RDH14: variants seen among roughly 807,000 people sequenced by gnomAD.
RDH14 encodes the protein retinol dehydrogenase 14.
In RDH14, 17 loss-of-function variants were observed where a neutral mutation model predicts 19.3. The ratio of observed to expected loss-of-function variants is 0.88; its 90% CI spans 0.60 to 1.32. The LOEUF is 1.32. Among genes scored for constraint, RDH14 ranks in the 40% most tolerant of loss-of-function variants. RDH14 has a pLI of 0.00. For missense variants in RDH14, 534 were observed against 449.2 expected (o/e 1.19, Z -1.71); for synonymous variants, 215 against 188.9 (o/e 1.14, Z -1.13).
rs1168030770 is a variant in RDH14, at chr2:18,560,292, G to A, written c.281C>T (p.Ala94Val). The change falls in exon 1 of 2, where the codon GCC becomes GTC. Residue 94 changes from alanine to valine, a missense_variant. Coordinates refer to ENST00000381249, the MANE Select transcript of RDH14 (RefSeq NM_020905.4). ...AGQLRRELRQAAECGPEPGVS... is the reference protein window; with the variant it reads ...AGQLRRELRQVAECGPEPGVS... ...GCCAGGCTCTGGGCCGCACTCCGCG[G>A]CCTGGCGGAGCTCGCGGCGGAGCTG... 1.3e-6 allele frequency: 2 copies of A among 1,484,592 alleles called. No homozygotes were observed. The highest frequency in any genetic ancestry group is 2.5e-5 in the South Asian group (2 of 79,164). 92.0% of individuals were successfully genotyped at this position (1,484,592 alleles called of 1,614,324 possible).
intron 1 of RDH14, among the ~76,000 whole-genome samples, chr2:18,556,898 A>G (rs1391544412): frequency 6.6e-6 from 1 of 152,200 alleles, no homozygotes; most frequent in Non-Finnish European, 1.5e-5. Context: ...CATTTCCTTA[A>G]AAGTGAAACA....
At chr2:18,558,261 A>C (rs769633539) in intron 1 of RDH14, among the ~76,000 whole-genome samples, 5 of 152,218 alleles carry the variant, frequency 3.3e-5, no homozygotes, top group Non-Finnish European at 7.3e-5. Context: ...ACAGAGATAC[A>C]TTTCCCATTA....
chr2:18,558,409 A>C (rs1012627720), intron 1 of RDH14, among the ~76,000 whole-genome samples: 5 of 152,234 alleles, frequency 3.3e-5, no homozygotes, highest in African/African-American at 1.2e-4. Flanking sequence ...CTCAGAACCC[A>C]AAATCACTAA....
At chr2:18,558,019 T>C (rs1035329657) in intron 1 of RDH14, among the ~76,000 whole-genome samples, 2 of 152,242 alleles carry the variant, frequency 1.3e-5, no homozygotes, top group African/African-American at 2.4e-5. Flanking sequence ...AACACAGTGA[T>C]ATTTGCTCAA....
At position 18,555,114 on chromosome 2, in the gene RDH14, G is replaced by A; in HGVS notation, c.*77C>T. 2 of 1,530,560 alleles carry A rather than the reference G, an allele frequency of 1.3e-6. No individual in the cohort carries two copies. Among genetic ancestry groups the A allele is most frequent in the Non-Finnish European group, 1.8e-6 (2 of 1,142,024 alleles). The allele number at this position is 1,530,560 out of a possible 1,614,324, so 94.8% of individuals were successfully genotyped here. A position where few individuals can be genotyped will look rare whatever the true frequency, so the allele number is the denominator to read the frequency against. ...AAAATTCTTTTTCTTCAAGTAACAA[G>A]TTCTCAATCCACACCATTCCTGATC... On this transcript the variant is annotated 3_prime_UTR_variant, in exon 2 of 2. Transcript: ENST00000381249.
chr2:18,555,844 A>T (rs1338975858), intron 1 of RDH14, 36 bp from the exon 2 acceptor site: 1 of 1,563,096 alleles, frequency 6.4e-7, no homozygotes, highest in Admixed American at 1.9e-5. Context: ...AGAATTATTA[A>T]GAACACACGC....
chr2:18,555,057 A>G lies in RDH14; in HGVS notation c.*134T>C. On this transcript the variant is annotated 3_prime_UTR_variant, in exon 2 of 2. Coordinates refer to ENST00000381249, the MANE Select transcript of RDH14 (RefSeq NM_020905.4). ...ATTTTTCAGTAACTCCAAAATACCC[A>G]CATGTACCTCTTAGCAGGCTATTCC... is the stretch of plus-strand genomic sequence containing the variant. The G allele has an allele frequency of 7.2e-7, 1 of 1,389,436 alleles. No homozygotes were observed. The highest frequency in any genetic ancestry group is 1.5e-5 in the South Asian group (1 of 67,012). 86.1% of individuals were successfully genotyped at this position (1,389,436 alleles called of 1,614,324 possible).
chr2:18,559,223 C>T (rs1664010741), intron 1 of RDH14, among the ~76,000 whole-genome samples: 2 of 152,312 alleles, frequency 1.3e-5, no homozygotes, highest in Admixed American at 1.3e-4. Flanking sequence ...TGCCAGTTAT[C>T]CCTGCAAGAA....
At chr2:18,557,827 C>A (rs1663964456) in intron 1 of RDH14, among the ~76,000 whole-genome samples, 1 of 152,078 alleles carries the variant, frequency 6.6e-6, no homozygotes, top group African/African-American at 2.4e-5. Flanking sequence ...CAGAAAGATC[C>A]ATCTTTAATG....
At chr2:18,557,748 A>G (rs546348058) in intron 1 of RDH14, among the ~76,000 whole-genome samples, 1 of 152,234 alleles carries the variant, frequency 6.6e-6, no homozygotes, top group African/African-American at 2.4e-5. Flanking sequence ...TTGTGTCCTC[A>G]CTTTTTAATT....
At chr2:18,555,901 G>A in intron 1 of RDH14, 93 bp from the exon 2 acceptor site, 2 of 1,490,640 alleles carry the variant, frequency 1.3e-6, no homozygotes, top group Non-Finnish European at 1.8e-6. Context: ...TAATAAAAAT[G>A]GGCACTTGAG....
In RDH14 at chr2:18,555,520, T is replaced by A; in HGVS notation, c.682A>T (p.Thr228Ser). The A allele has an allele frequency of 6.2e-7, 1 of 1,614,166 alleles. No homozygotes were observed. The highest frequency in any genetic ancestry group is 2.2e-5 in the East Asian group (1 of 44,882). The change falls in exon 2 of 2, where the codon ACC becomes TCC. Residue 228 changes from threonine to serine, a missense_variant. By Grantham distance (58) the Thr-to-Ser change is moderately conservative. Transcript: ENST00000381249. ...TCTAAGCGGCGGGCTAGTTCCCTGG[T>A]AAAAAGAATGTTAGCCAGTTTGCTC... ...SRSKLANILF[T>S]RELARRLEGT...
intron 1 of RDH14, among the ~76,000 whole-genome samples, chr2:18,559,786 AG>A (rs1664037059): frequency 6.6e-6 from 1 of 152,130 alleles, no homozygotes; most frequent in South Asian, 2.1e-4. Flanking sequence ...AACTTCCCCC[AG>A]TGCTCAGGGG....
chr2:18,556,809 C>T (rs908633617), intron 1 of RDH14, among the ~76,000 whole-genome samples: 5 of 152,272 alleles, frequency 3.3e-5, no homozygotes, highest in Non-Finnish European at 7.3e-5. Context: ...GTTATCAACA[C>T]CAAGGGCAAA....
chr2:18,557,334 C>T (rs989008823), intron 1 of RDH14, among the ~76,000 whole-genome samples: 4 of 152,184 alleles, frequency 2.6e-5, no homozygotes, highest in Admixed American at 2.0e-4. Context: ...AAATGTGTTA[C>T]ATTTCACAAC....
Position 18,560,488 on chromosome 2 carries a change from C to A in RDH14, c.85G>T (p.Val29Phe), listed in dbSNP as rs1346659148. 5 of 1,514,856 alleles carry A rather than the reference C, an allele frequency of 3.3e-6. No homozygotes were observed. In the East Asian group the frequency reaches 1.3e-4, roughly 40 times the overall value. The allele number at this position is 1,514,856 out of a possible 1,614,324, so 93.8% of individuals were successfully genotyped here. The change falls in exon 1 of 2, where the codon GTC (valine) becomes TTC (phenylalanine). Residue 29 changes from valine (V) to phenylalanine (F), a missense_variant. Coordinates refer to ENST00000381249, the MANE Select transcript of RDH14 (RefSeq NM_020905.4). Reference sequence around the variant, plus strand: ...TCCCCGCCTCTGCGCAGCCGCTGGACCCTGGGCCCCACGAACCGGCGGGCC... The same window carrying A: ...TCCCCGCCTCTGCGCAGCCGCTGGAACCTGGGCCCCACGAACCGGCGGGCC... ...LAARRFVGPR[V>F]QRLRRGGDPG...
intron 1 of RDH14, among the ~76,000 whole-genome samples, chr2:18,556,678 A>AATT (rs1274417484): frequency 2.0e-5 from 3 of 152,322 alleles, no homozygotes; most frequent in East Asian, 3.9e-4. Context: ...CTATTTTCTT[A>AATT]ATTAGTAAGC....
At chr2:18,558,322 ATTATG>A (rs1373238992) in intron 1 of RDH14, among the ~76,000 whole-genome samples, 15 of 152,306 alleles carry the variant, frequency 9.8e-5, no homozygotes, top group African/African-American at 3.6e-4. Flanking sequence ...TTTTCTTTCA[ATTATG>A]TTATCTTCTC....
At position 18,560,261 on chromosome 2, in the gene RDH14, G is replaced by C; in HGVS notation, c.312C>G (p.Ser104Arg). 6.6e-7 allele frequency: 1 copy of C among 1,520,088 alleles called. No homozygotes were observed. Among genetic ancestry groups the C allele is most frequent in the East Asian group, 2.6e-5 (1 of 38,704 alleles). 94.2% of individuals were successfully genotyped at this position (1,520,088 alleles called of 1,614,324 possible). The stretch of plus-strand genomic sequence containing the variant: ...CCCGGACTATGAGCTCGCCCACCCC[G>C]CTGACGCCAGGCTCTGGGCCGCACT... ...AAECGPEPGV[S>R]GVGELIVREL... Residue 104 changes from serine (S) to arginine (R), a missense_variant, in exon 1 of 2, where the codon AGC becomes AGG. Transcript: ENST00000381249.
Sources: allele counts gnomAD v4.1 joint callset (sites outside exome capture counted in the v4.1 genomes callset), GRCh38; gene constraint gnomAD v4.1.1; transcripts MANE v1.5; gene names NCBI Gene and HGNC (gene_info 2026-07-23, HGNC 2026-07-21).